Variants in TTC21B observed in about 807,000 individuals in gnomAD.
The protein encoded by TTC21B is tetratricopeptide repeat protein 21B.
Under a neutral mutation model 175.1 loss-of-function variants are expected in TTC21B, and 127 were observed. The observed-to-expected ratio is 0.73, with a 90% confidence interval of 0.63 to 0.84. The LOEUF is 0.84. Among genes scored for constraint, TTC21B ranks in the 40% least tolerant of loss-of-function variants. The pLI is 0.00. For synonymous variants in TTC21B, 524 were observed against 524.5 expected (o/e 1.00, Z 0.01); for missense variants, 1,561 against 1,558.3 (o/e 1.00, Z -0.03).
intron 9 of TTC21B, 77 bp downstream of exon 9, chr2:165,930,095 T>A: frequency 7.2e-7 from 1 of 1,383,490 alleles, no homozygotes; most frequent in Middle Eastern, 1.9e-4. Context: ...AATCCATGTG[T>A]TCTTCTCTAA....
intron 22 of TTC21B, among the ~76,000 whole-genome samples, chr2:165,897,281 A>C (rs1264705907): frequency 6.6e-6 from 1 of 152,232 alleles, no homozygotes; most frequent in South Asian, 2.1e-4. Context: ...ACGCTGCAAT[A>C]ATCTATGTGG....
rs182605265 is a variant in TTC21B, at chr2:165,939,081, G to A, written c.710+1946C>T. On this transcript the variant is annotated intron_variant, in intron 6 of 28. Transcript: ENST00000243344. ...CAGAGTTTTGAATTTGCTTCAAAAC[G>A]AAAATTAAAGCCAAGAACCAAATGG... Among the ~76,000 whole-genome samples the A allele has an allele frequency of 6.4e-4, 97 of 152,008 alleles. 1 individual carries two copies. The highest frequency in any genetic ancestry group is 2.2e-3 in the African/African-American group (91 of 41,522).
intron 13 of TTC21B, among the ~76,000 whole-genome samples, chr2:165,918,284 C>A (rs1029660929): frequency 6.6e-6 from 1 of 152,062 alleles, no homozygotes; most frequent in African/African-American, 2.4e-5. Flanking sequence ...TCATAAGAAG[C>A]AGGTGATATT....
In TTC21B at chr2:165,890,634, A is replaced by G. The variant is rs759471124; in HGVS notation, c.3108T>C (p.Thr1036=). The part of the protein sequence containing the change: ...QYCKGLYLWY[T]GEPNDALRHF... Reference sequence around the variant, plus strand: ...GTCGAAGGGCATCATTTGGTTCTCCAGTGTACCTTGTTAGATGTTTAAAAG... The same window carrying G: ...GTCGAAGGGCATCATTTGGTTCTCCGGTGTACCTTGTTAGATGTTTAAAAG... The change falls in exon 24 of 29, where the codon ACT becomes ACC. Residue 1036 remains threonine (T), a synonymous_variant. Coordinates refer to ENST00000243344, the MANE Select transcript of TTC21B (RefSeq NM_024753.5). 1 of 1,613,682 alleles carries G rather than the reference A, an allele frequency of 6.2e-7. No homozygotes were observed. Among genetic ancestry groups the G allele is most frequent in the East Asian group, 2.2e-5 (1 of 44,832 alleles).
chr2:165,883,988 C>CCATT lies in TTC21B; in HGVS notation c.3486_3489dup (p.Ala1164AsnfsTer30), dbSNP rs1559038379. The CCATT allele has an allele frequency of 6.2e-7, 1 of 1,614,058 alleles. No homozygotes were observed. The highest frequency in any genetic ancestry group is 1.1e-5 in the South Asian group (1 of 91,080). On this transcript the variant is annotated frameshift_variant, in exon 26 of 29. Transcript: ENST00000243344. LOFTEE classifies it high-confidence loss of function. ...TGTTTCAAGATCATATAAGCCGTTG[C>CCATT]CATTCCCAAGAGCGCTGGGATATGC...
intron 27 of TTC21B, among the ~76,000 whole-genome samples, chr2:165,879,334 C>T (rs1199968127): frequency 6.6e-6 from 1 of 152,126 alleles, no homozygotes; most frequent in Non-Finnish European, 1.5e-5. Flanking sequence ...TTTCATTTTA[C>T]CAGATGACTT....
At chr2:165,925,214 CA>C (rs1686583777) in intron 11 of TTC21B, among the ~76,000 whole-genome samples, 1 of 152,120 alleles carries the variant, frequency 6.6e-6, no homozygotes, top group Non-Finnish European at 1.5e-5. Flanking sequence ...CATACCTTTA[CA>C]TTCCCCACTC....
At chr2:165,882,217 C>T (rs1459389917) in intron 26 of TTC21B, among the ~76,000 whole-genome samples, 1 of 152,064 alleles carries the variant, frequency 6.6e-6, no homozygotes, top group East Asian at 1.9e-4. Flanking sequence ...GCCTATCAGT[C>T]TTTCTTCATT....
rs200182771 is a variant in TTC21B at position 165,915,244 on chromosome 2, G to A, written c.2095C>T (p.Leu699=). ...AACATTTTATCTTTTCTGTGCTTCA[G>A]ATAAATATCTGCCATTTTTTCTCTG... is the stretch of plus-strand genomic sequence containing the variant. The part of the protein sequence containing the change: ...EAREKMADIY[L]KHRKDKMLYI... Residue 699 remains leucine, a synonymous_variant, in exon 15 of 29, where the codon CTG becomes TTG. Transcript: ENST00000243344. 35 of 1,613,898 alleles carry A rather than the reference G, an allele frequency of 2.2e-5. No homozygotes were observed. Among genetic ancestry groups the A allele is most frequent in the African/African-American group, 1.3e-5 (1 of 74,926 alleles).
rs1685075190 is a variant in TTC21B at position 165,888,292 on chromosome 2, A to G, written c.3446T>C (p.Ile1149Thr). Reference sequence around the variant, plus strand: ...AAATCCACTAACCTCAGATGCTGCTATTTCAGTGAAGGTATTTAATGCTTG... The same window carrying G: ...AAATCCACTAACCTCAGATGCTGCTGTTTCAGTGAAGGTATTTAATGCTTG... Reference protein sequence around the residue: ...VEQALNTFTEIAASEKEHIPA... With the variant: ...VEQALNTFTETAASEKEHIPA... The change falls in exon 25 of 29, where the codon ATA (isoleucine) becomes ACA (threonine). Residue 1149 changes from isoleucine (I) to threonine (T), a missense_variant. By Grantham distance (89) the Ile-to-Thr change is moderately conservative. Coordinates refer to ENST00000243344, the MANE Select transcript of TTC21B (RefSeq NM_024753.5). 5.0e-6 allele frequency: 8 copies of G among 1,612,996 alleles called. No individual in the cohort carries two copies. The highest frequency in any genetic ancestry group is 6.8e-6 in the Non-Finnish European group (8 of 1,179,016).
At position 165,884,351 on chromosome 2, in the gene TTC21B, A is replaced by C. The variant is rs373350348; in HGVS notation, c.3460-333T>G. 1.2e-4 allele frequency among the ~76,000 whole-genome samples: 18 copies of C among 152,348 alleles called. No homozygotes were observed. The Middle Eastern group carries it at 0.01, about 86-fold the overall frequency. On this transcript the variant is annotated intron_variant, in intron 25 of 28. Transcript: ENST00000243344. ...AGTTTTGTATAGAAACAGAAAAAAT[A>C]AAACTCTATTTCAGTAAAATCCTTA...
intron 21 of TTC21B, among the ~76,000 whole-genome samples, chr2:165,899,125 T>C (rs1373165336): frequency 2.0e-5 from 3 of 152,158 alleles, no homozygotes; most frequent in Non-Finnish European, 4.4e-5. Flanking sequence ...AATGAGACGA[T>C]TCAAAAATGA....
intron 24 of TTC21B, 115 bp from the exon 25 acceptor site, chr2:165,888,589 C>T (rs1685087092): frequency 1.3e-6 from 1 of 767,222 alleles, no homozygotes; most frequent in Non-Finnish European, 2.2e-6. Flanking sequence ...CTCTTTTTGT[C>T]ACTCATTTAA....
intron 12 of TTC21B, among the ~76,000 whole-genome samples, chr2:165,922,137 T>C (rs1055351276): frequency 1.3e-5 from 2 of 152,142 alleles, no homozygotes; most frequent in Non-Finnish European, 2.9e-5. Context: ...AAATACTTAA[T>C]AAATTATAGG....
intron 22 of TTC21B, among the ~76,000 whole-genome samples, chr2:165,895,085 C>CT (rs1685319494): frequency 1.3e-5 from 2 of 151,682 alleles, no homozygotes; most frequent in Middle Eastern, 3.4e-3. Context: ...TGCAGATTTA[C>CT]TTTTTTATTT....
chr2:165,932,110 G>GGATAGGCA (rs1293373187), intron 7 of TTC21B, among the ~76,000 whole-genome samples: 5 of 152,006 alleles, frequency 3.3e-5, no homozygotes, highest in African/African-American at 7.2e-5. Context: ...TTGGATAGGC[G>GGATAGGCA]AAGACACCCA....
At chr2:165,917,813 C>T (rs1431232172) in intron 13 of TTC21B, among the ~76,000 whole-genome samples, 1 of 152,176 alleles carries the variant, frequency 6.6e-6, no homozygotes, top group Admixed American at 6.5e-5. Context: ...ATTTCTTTAT[C>T]TGGCACTTCT....
chr2:165,932,266 T>C (rs1044152122), intron 7 of TTC21B, among the ~76,000 whole-genome samples: 1 of 152,102 alleles, frequency 6.6e-6, no homozygotes, highest in Non-Finnish European at 1.5e-5. Flanking sequence ...CAAAATATAT[T>C]CTAGACTAGA....
At chr2:165,910,580 T>C (rs1685896719) in intron 18 of TTC21B, among the ~76,000 whole-genome samples, 1 of 152,134 alleles carries the variant, frequency 6.6e-6, no homozygotes, top group Non-Finnish European at 1.5e-5. Context: ...TGGATTATAA[T>C]ATCAAAATAA....
Sources: allele counts gnomAD v4.1 joint callset (sites outside exome capture counted in the v4.1 genomes callset), GRCh38; gene constraint gnomAD v4.1.1; transcripts MANE v1.5; gene names NCBI Gene and HGNC (gene_info 2026-07-23, HGNC 2026-07-21).